The following BRMS1L variants were observed in gnomAD, a reference collection of about 807,000 sequenced individuals.
BRMS1L encodes the protein BRMS1 like transcriptional repressor, also known as breast cancer metastasis-suppressor 1-like protein.
Under a neutral mutation model 50.3 loss-of-function variants are expected in BRMS1L, and 23 were observed. The observed-to-expected ratio is 0.46, with a 90% CI of 0.33 to 0.65. The LOEUF is 0.65. BRMS1L is among the 30% of genes least tolerant of loss of function. The pLI, the probability that BRMS1L is intolerant of heterozygous loss-of-function variation, is 0.02. For synonymous variants in BRMS1L, 114 were observed against 126.9 expected (o/e 0.90, Z 0.69); for missense variants, 286 against 386.1 (o/e 0.74, Z 2.17).
In BRMS1L at chr14:35,856,525, G is replaced by A. The variant is rs571182749; in HGVS notation, c.442-6065G>A. On this transcript the variant is annotated intron_variant, in intron 4 of 9. Coordinates refer to ENST00000216807, the MANE Select transcript of BRMS1L (RefSeq NM_032352.4). ...CTGATTATGACATTAGTAAATGTCT[G>A]TCGAGAAATAAGTCTAAAGAAAGAT... Among the ~76,000 whole-genome samples, 9 of 152,092 alleles carry A rather than the reference G, an allele frequency of 5.9e-5. No homozygotes were observed. The South Asian group carries it at 1.5e-3, about 25-fold the overall frequency.
chr14:35,846,134 C>T (rs2078130530), intron 4 of BRMS1L, among the ~76,000 whole-genome samples: 2 of 152,074 alleles, frequency 1.3e-5, no homozygotes, highest in Non-Finnish European at 2.9e-5. Context: ...TGCCTGTAGT[C>T]CCAGCGCTTT....
At chr14:35,848,616 C>T (rs895709088) in intron 4 of BRMS1L, among the ~76,000 whole-genome samples, 12 of 152,172 alleles carry the variant, frequency 7.9e-5, no homozygotes, top group African/African-American at 2.7e-4. Context: ...CATACCCTGC[C>T]CCACTGCCCA....
At chr14:35,855,686 A>T (rs182661335) in intron 4 of BRMS1L, among the ~76,000 whole-genome samples, 1 of 152,284 alleles carries the variant, frequency 6.6e-6, no homozygotes, top group African/African-American at 2.4e-5. Context: ...TTAACATGTT[A>T]ATCTGTTTTA....
In BRMS1L at chr14:35,826,367, G is replaced by T; in HGVS notation, c.-150G>T. The T allele has an allele frequency of 3.3e-6, 4 of 1,194,776 alleles. No homozygotes were observed. Among genetic ancestry groups the T allele is most frequent in the Non-Finnish European group, 3.5e-6 (3 of 857,596 alleles). The allele number at this position is 1,194,776 out of a possible 1,614,324, so 74.0% of individuals were successfully genotyped here. A position where few individuals can be genotyped will look rare whatever the true frequency, so the allele number is the denominator to read the frequency against. ...CTCCCATCGCAGAGCCTGCGGGTTA[G>T]GTTGTGAGGCCCGGGCCGGGGGCGG... On this transcript the variant is annotated 5_prime_UTR_variant, in exon 1 of 10. In the 5' UTR this introduces an upstream ATG that the reference lacks. Transcript: ENST00000216807.
intron 4 of BRMS1L, among the ~76,000 whole-genome samples, chr14:35,860,422 G>A (rs1192583156): frequency 2.0e-5 from 3 of 152,110 alleles, no homozygotes; most frequent in Non-Finnish European, 4.4e-5. Context: ...ACAGGCATGA[G>A]CCACCGTGGC....
At chr14:35,831,631 C>A in intron 2 of BRMS1L, 131 bp downstream of exon 2, 1 of 662,058 alleles carries the variant, frequency 1.5e-6, no homozygotes, top group South Asian at 2.1e-5. Flanking sequence ...AAAGAGGCTT[C>A]AACTATTGTT....
intron 4 of BRMS1L, among the ~76,000 whole-genome samples, chr14:35,861,317 A>G (rs895596212): frequency 6.6e-6 from 1 of 152,198 alleles, no homozygotes; most frequent in African/African-American, 2.4e-5. Flanking sequence ...TTAAATGTTC[A>G]TATCCTTAAC....
intron 4 of BRMS1L, among the ~76,000 whole-genome samples, chr14:35,846,814 A>G (rs1304484355): frequency 2.0e-5 from 3 of 152,198 alleles, no homozygotes; most frequent in East Asian, 3.8e-4. Flanking sequence ...CTTTGAAACT[A>G]TGCAAATACG....
In BRMS1L at chr14:35,836,768, G is replaced by C. The variant is rs190468355; in HGVS notation, c.441+1845G>C. Among the ~76,000 whole-genome samples, 16 of 152,268 alleles carry C rather than the reference G, an allele frequency of 1.1e-4. No individual in the cohort carries two copies. In the East Asian group the frequency reaches 2.7e-3, roughly 26 times the overall value. ...TGTATGGTATAAAGTATGGTTCTAGGCTGGGTGTGGTGGCTCATGCCTGTA... is the reference window on the plus strand; with the variant it reads ...TGTATGGTATAAAGTATGGTTCTAGCCTGGGTGTGGTGGCTCATGCCTGTA... On this transcript the variant is annotated intron_variant, in intron 4 of 9. Transcript: ENST00000216807.
intron 4 of BRMS1L, among the ~76,000 whole-genome samples, chr14:35,855,541 GTCT>G (rs952816356): frequency 1.2e-4 from 19 of 152,128 alleles, no homozygotes; most frequent in South Asian, 6.2e-4. Flanking sequence ...AAACACATTG[GTCT>G]TCTTCTCTTC....
chr14:35,828,423 C>T (rs2077873860), intron 1 of BRMS1L, among the ~76,000 whole-genome samples: 2 of 150,326 alleles, frequency 1.3e-5, no homozygotes, highest in Non-Finnish European at 3.0e-5. Context: ...CCACCCACTT[C>T]AACCTCCCAA....
At chr14:35,850,476 G>A (rs1435720498) in intron 4 of BRMS1L, among the ~76,000 whole-genome samples, 1 of 152,060 alleles carries the variant, frequency 6.6e-6, no homozygotes, top group African/African-American at 2.4e-5. Context: ...GATTACAGGC[G>A]TGAGCCACTG....
At chr14:35,858,265 C>T (rs767821944) in intron 4 of BRMS1L, among the ~76,000 whole-genome samples, 4 of 152,130 alleles carry the variant, frequency 2.6e-5, no homozygotes, top group African/African-American at 4.8e-5. Context: ...CTGAAGGGCT[C>T]CCTCCTGGAA....
At chr14:35,859,366 AC>A (rs2078321415) in intron 4 of BRMS1L, among the ~76,000 whole-genome samples, 1 of 152,198 alleles carries the variant, frequency 6.6e-6, no homozygotes, top group Non-Finnish European at 1.5e-5. Context: ...CTTGACGCTC[AC>A]ACTTAAGAGT....
chr14:35,855,646 G>A (rs1198340218), intron 4 of BRMS1L, among the ~76,000 whole-genome samples: 3 of 151,978 alleles, frequency 2.0e-5, no homozygotes, highest in Non-Finnish European at 4.4e-5. Flanking sequence ...ACATTTTTAT[G>A]TCTAACATGT....
intron 4 of BRMS1L, among the ~76,000 whole-genome samples, chr14:35,857,790 G>T (rs944599156): frequency 1.3e-5 from 2 of 151,140 alleles, no homozygotes; most frequent in Non-Finnish European, 3.0e-5. Flanking sequence ...AATTTTTCTT[G>T]TGTATTTTTT....
intron 9 of BRMS1L, among the ~76,000 whole-genome samples, chr14:35,869,087 T>C (rs909702333): frequency 2.0e-5 from 3 of 152,210 alleles, no homozygotes; most frequent in Non-Finnish European, 4.4e-5. Flanking sequence ...GTGGTTTTAA[T>C]TGTAAGATAA....
At chr14:35,855,577 C>A (rs2078269400) in intron 4 of BRMS1L, among the ~76,000 whole-genome samples, 1 of 152,072 alleles carries the variant, frequency 6.6e-6, no homozygotes, top group African/African-American at 2.4e-5. Context: ...GCTTTGAAAG[C>A]CATAGAGATG....
At chr14:35,831,322 C>T in intron 1 of BRMS1L, 88 bp from the exon 2 acceptor site, 1 of 863,312 alleles carries the variant, frequency 1.2e-6, no homozygotes, top group Non-Finnish European at 1.9e-6. Context: ...GTTTTTCTTC[C>T]TATTTGAATT....
Sources: allele counts gnomAD v4.1 joint callset (sites outside exome capture counted in the v4.1 genomes callset), GRCh38; gene constraint gnomAD v4.1.1; transcripts MANE v1.5; gene names NCBI Gene and HGNC (gene_info 2026-07-23, HGNC 2026-07-21).